The following MAPK4 variants were observed in gnomAD, a reference collection of about 807,000 sequenced individuals.
The protein encoded by MAPK4 is Erk3-related.
MAPK4 carries 22 observed loss-of-function variants against 47.7 expected under a neutral mutation model. That is an observed-to-expected ratio of 0.46 (90% CI 0.33 to 0.66). The LOEUF (loss-of-function observed/expected upper bound fraction) is 0.66, where lower values mean the gene tolerates loss of function less well. MAPK4 is among the 30% of genes least tolerant of loss of function. The probability of loss-of-function intolerance (pLI) is 0.02; values close to 1 mark genes in which losing one functional copy is unlikely to be tolerated. For missense variants in MAPK4, 736 were observed against 831.7 expected (o/e 0.88, Z 1.42); for synonymous variants, 390 against 365.7 (o/e 1.07, Z -0.76).
At chr18:50,589,322 T>C (rs2149366540) in intron 1 of MAPK4, among the ~76,000 whole-genome samples, 1 of 152,232 alleles carries the variant, frequency 6.6e-6, no homozygotes, top group Admixed American at 6.5e-5. Context: ...GTATAAAAAA[T>C]ATTAACTCTA....
At chr18:50,621,782 A>T (rs1290165538) in intron 1 of MAPK4, among the ~76,000 whole-genome samples, 1 of 152,234 alleles carries the variant, frequency 6.6e-6, no homozygotes, top group Non-Finnish European at 1.5e-5. Context: ...AGCTTTGCTT[A>T]TGATTTCCCT....
rs533162126 is a variant in MAPK4 at position 50,611,675 on chromosome 18, C to A, written c.-870-51414C>A. ...AAGGCTTCAGGGAGTCATTTAATGA[C>A]GTAGCGTTTGATCTTCAGGGTTTGC... On this transcript the variant is annotated intron_variant, in intron 1 of 5. Transcript: ENST00000400384. Among the ~76,000 whole-genome samples, 23 of 152,264 alleles carry A rather than the reference C, an allele frequency of 1.5e-4. No homozygotes were observed. The South Asian group carries it at 2.5e-3, about 16-fold the overall frequency.
intron 1 of MAPK4, among the ~76,000 whole-genome samples, chr18:50,630,392 T>C (rs997269681): frequency 6.6e-6 from 1 of 152,186 alleles, no homozygotes; most frequent in African/African-American, 2.4e-5. Context: ...TTTCACCATA[T>C]TGGCCAGGGT....
At position 50,596,878 on chromosome 18, in the gene MAPK4, G is replaced by C. The variant is rs189210237; in HGVS notation, c.-871+36635G>C. Among the ~76,000 whole-genome samples, 6 of 152,312 alleles carry C rather than the reference G, an allele frequency of 3.9e-5. No homozygotes were observed. The East Asian group carries it at 1.2e-3, about 29-fold the overall frequency. On this transcript the variant is annotated intron_variant, in intron 1 of 5. Coordinates refer to ENST00000400384, the MANE Select transcript of MAPK4 (RefSeq NM_002747.4). ...AATGGAAGTCGAAAGTTGAAATCAT[G>C]GGAGTAAACAGCTCTACTGCACTCA...
intron 2 of MAPK4, among the ~76,000 whole-genome samples, chr18:50,702,441 A>G (rs960482904): frequency 6.6e-6 from 1 of 152,200 alleles, no homozygotes; most frequent in Non-Finnish European, 1.5e-5. Flanking sequence ...AAGATCAGAG[A>G]TTATGCAGCA....
chr18:50,560,075 G>GGGGCCT (rs2042138007), upstream of MAPK4: 1 of 148,350 alleles, frequency 6.7e-6, no homozygotes. Flanking sequence ...GGCCGGGGCC[G>GGGGCCT]GGGCGGGAGC....
rs58870306 is a variant in MAPK4 at position 50,625,882 on chromosome 18, G to GCACACA, written c.-870-37166_-870-37161dup. 1.5e-4 allele frequency among the ~76,000 whole-genome samples: 22 copies of GCACACA among 145,446 alleles called. No homozygotes were observed. In the East Asian group the frequency reaches 2.3e-3, roughly 15 times the overall value. The stretch of plus-strand genomic sequence containing the variant: ...AGAAAAACCAATAGGGTGTGTGTAT[G>GCACACA]CACACACACACACACACACACACAC... On this transcript the variant is annotated intron_variant, in intron 1 of 5. Transcript: ENST00000400384.
chr18:50,641,495 A>G (rs934630222), intron 1 of MAPK4, among the ~76,000 whole-genome samples: 1 of 152,196 alleles, frequency 6.6e-6, no homozygotes, highest in East Asian at 1.9e-4. Context: ...AAATATATAT[A>G]TACTTTTATC....
chr18:50,627,653 G>A (rs1466348222), intron 1 of MAPK4, among the ~76,000 whole-genome samples: 2 of 152,192 alleles, frequency 1.3e-5, no homozygotes, highest in South Asian at 2.1e-4. Flanking sequence ...TGGCAAGGAG[G>A]GCAGAGCCTA....
In MAPK4 at chr18:50,729,882, A is replaced by T; in HGVS notation, c.*28A>T. 6.5e-7 allele frequency: 1 copy of T among 1,526,936 alleles called. No homozygotes were observed. The highest frequency in any genetic ancestry group is 8.8e-7 in the Non-Finnish European group (1 of 1,130,996). 94.6% of individuals were successfully genotyped at this position (1,526,936 alleles called of 1,614,324 possible). ...GCGGAGGGGCCGCTCCAGGCCCCAC[A>T]GAGCAGGAGACCCCCAGAGAAAGCC... On this transcript the variant is annotated 3_prime_UTR_variant, in exon 6 of 6. Transcript: ENST00000400384.
At chr18:50,667,619 G>A (rs1279784670) in intron 2 of MAPK4, among the ~76,000 whole-genome samples, 1 of 152,132 alleles carries the variant, frequency 6.6e-6, no homozygotes, top group African/African-American at 2.4e-5. Flanking sequence ...GGGCTGCAGC[G>A]AGTGCCTTTG....
rs138764629 is a variant in MAPK4, at chr18:50,692,613, A to G, written c.547-22466A>G. 3.3e-3 allele frequency among the ~76,000 whole-genome samples: 510 copies of G among 152,334 alleles called. 5 individuals carry two copies. The highest frequency in any genetic ancestry group is 0.012 in the African/African-American group (494 of 41,586). ...AGATAAAGAATGCGAAGTGCTTAGC[A>G]TAGTGCTGGGCAGGGAGAGGGCCCT... On this transcript the variant is annotated intron_variant, in intron 2 of 5. Transcript: ENST00000400384.
chr18:50,629,072 T>C (rs893756099), intron 1 of MAPK4, among the ~76,000 whole-genome samples: 2 of 152,344 alleles, frequency 1.3e-5, no homozygotes, highest in African/African-American at 4.8e-5. Context: ...TAGAGTTTCA[T>C]TGCTTGACTT....
In MAPK4 at chr18:50,704,739, G is replaced by C. The variant is rs544228944; in HGVS notation, c.547-10340G>C. On this transcript the variant is annotated intron_variant, in intron 2 of 5. Transcript: ENST00000400384. ...GCCTAATGGAGGACTCTGTGATGTT[G>C]GACTATGTTGTGTCGTTACCCTCCC... The C allele has an allele frequency of 8.8e-5, 35 of 398,602 alleles. 2 individuals carry two copies. The South Asian group carries it at 2.3e-3, about 26-fold the overall frequency. The allele number at this position is 398,602 out of a possible 1,614,324, so 24.7% of individuals were successfully genotyped here.
rs576912340 is a variant in MAPK4, at chr18:50,698,922, G to C, written c.547-16157G>C. On this transcript the variant is annotated intron_variant, in intron 2 of 5. Transcript: ENST00000400384. ...CACCTGTAATCCCCGCTATCTGGGA[G>C]GCTGAGGCAGGAGAATCACTTGAAC... Among the ~76,000 whole-genome samples, 199 of 152,220 alleles carry C rather than the reference G, an allele frequency of 1.3e-3. 1 individual carries two copies. The highest frequency in any genetic ancestry group is 4.4e-3 in the African/African-American group (181 of 41,546).
chr18:50,643,622 G>A (rs1219525682), intron 1 of MAPK4, among the ~76,000 whole-genome samples: 4 of 152,210 alleles, frequency 2.6e-5, no homozygotes, highest in African/African-American at 9.6e-5. Flanking sequence ...GCCACTTGAG[G>A]CTTAAGAGGA....
intron 1 of MAPK4, among the ~76,000 whole-genome samples, chr18:50,602,447 C>A (rs749167124): frequency 2.6e-5 from 4 of 152,154 alleles, no homozygotes; most frequent in Non-Finnish European, 5.9e-5. Flanking sequence ...ATCAGAATGA[C>A]CAGCCCTGCC....
chr18:50,628,186 G>A (rs2042798019), intron 1 of MAPK4, among the ~76,000 whole-genome samples: 1 of 152,220 alleles, frequency 6.6e-6, no homozygotes, highest in South Asian at 2.1e-4. Flanking sequence ...AGCAAAAATA[G>A]TGAAAATCTG....
At chr18:50,727,212 A>G (rs1308379067) in intron 5 of MAPK4, among the ~76,000 whole-genome samples, 1 of 152,186 alleles carries the variant, frequency 6.6e-6, no homozygotes, top group East Asian at 1.9e-4. Flanking sequence ...ACCATCTGCT[A>G]ATTCTGGGAG....
Sources: gnomAD v4.1 joint callset for allele counts (sites outside exome capture counted in the v4.1 genomes callset) on GRCh38, gnomAD v4.1.1 for gene constraint, MANE v1.5 for transcripts, NCBI Gene and HGNC (gene_info 2026-07-23, HGNC 2026-07-21) for gene names.